Variants in BANK1 observed in about 807,000 individuals in gnomAD.
BANK1 encodes the protein B-cell scaffold protein with ankyrin repeats.
Under a neutral mutation model 94.5 loss-of-function variants are expected in BANK1, and 95 were observed. That is an observed-to-expected ratio of 1.00 (90% CI 0.85 to 1.19). BANK1 has a LOEUF of 1.19. Among genes scored for constraint, BANK1 ranks in the 50% most tolerant of loss-of-function variants. BANK1 has a pLI of 0.00. For missense variants in BANK1, 987 were observed against 932.2 expected (o/e 1.06, Z -0.77); for synonymous variants, 334 against 308.4 (o/e 1.08, Z -0.87).
At chr4:101,908,880 T>C (rs1722560081) in intron 6 of BANK1, among the ~76,000 whole-genome samples, 2 of 152,160 alleles carry the variant, frequency 1.3e-5, no homozygotes, top group Non-Finnish European at 1.5e-5. Flanking sequence ...CCAGTTAGAA[T>C]GGTGATCATT....
chr4:102,038,752 C>T (rs1727604250), intron 10 of BANK1, among the ~76,000 whole-genome samples: 1 of 152,108 alleles, frequency 6.6e-6, no homozygotes, highest in Non-Finnish European at 1.5e-5. Flanking sequence ...CGAAAGATGA[C>T]ATATGCAAAT....
intron 7 of BANK1, among the ~76,000 whole-genome samples, chr4:102,000,537 T>C (rs1726027392): frequency 6.6e-6 from 1 of 152,116 alleles, no homozygotes; most frequent in South Asian, 2.1e-4. Flanking sequence ...GAAGGTGACA[T>C]AGTTAGACAT....
At chr4:101,880,952 C>T (rs534503876) in intron 5 of BANK1, among the ~76,000 whole-genome samples, 1 of 152,142 alleles carries the variant, frequency 6.6e-6, no homozygotes, top group Admixed American at 6.6e-5. Context: ...AATCTAAGAC[C>T]TCATACTCTG....
At chr4:102,010,243 C>A (rs555774774) in intron 7 of BANK1, among the ~76,000 whole-genome samples, 1 of 151,826 alleles carries the variant, frequency 6.6e-6, no homozygotes, top group Non-Finnish European at 1.5e-5. Flanking sequence ...CCAGCCTGGG[C>A]GACAGAGTGA....
chr4:101,903,702 T>A (rs549244447), intron 6 of BANK1, among the ~76,000 whole-genome samples: 10 of 152,280 alleles, frequency 6.6e-5, no homozygotes, highest in Non-Finnish European at 1.2e-4. Flanking sequence ...ATGGCATAGG[T>A]AGGAATGCCT....
intron 5 of BANK1, among the ~76,000 whole-genome samples, chr4:101,889,939 ATTG>A (rs1178577244): frequency 6.6e-6 from 1 of 152,094 alleles, no homozygotes; most frequent in Non-Finnish European, 1.5e-5. Flanking sequence ...ACTTAGTAGC[ATTG>A]TTGTTTGGTT....
At chr4:102,024,117 A>AATAATATGGGCT (rs1727002341) in intron 8 of BANK1, among the ~76,000 whole-genome samples, 1 of 152,184 alleles carries the variant, frequency 6.6e-6, no homozygotes, top group African/African-American at 2.4e-5. Flanking sequence ...AATTCCATAT[A>AATAATATGGGCT]ATAATATGGG....
chr4:101,868,526 T>C (rs1436825783), intron 4 of BANK1, among the ~76,000 whole-genome samples: 1 of 151,634 alleles, frequency 6.6e-6, no homozygotes, highest in Non-Finnish European at 1.5e-5. Context: ...TTGTATAAGA[T>C]TTGTGATATA....
chr4:101,959,918 T>G (rs970756065), intron 7 of BANK1, among the ~76,000 whole-genome samples: 2 of 152,188 alleles, frequency 1.3e-5, no homozygotes, highest in African/African-American at 4.8e-5. Flanking sequence ...CAGTGTCATT[T>G]TTAGAAAATG....
intron 11 of BANK1, among the ~76,000 whole-genome samples, chr4:102,052,356 T>C (rs1181938172): frequency 6.6e-6 from 1 of 151,914 alleles, no homozygotes; most frequent in Non-Finnish European, 1.5e-5. Context: ...GACCTCATGA[T>C]CCACCCACCT....
intron 7 of BANK1, among the ~76,000 whole-genome samples, chr4:101,988,963 CTTATATAACATTCT>C (rs1725605224): frequency 6.6e-6 from 1 of 152,130 alleles, no homozygotes; most frequent in South Asian, 2.1e-4. Flanking sequence ...AGGTTAACAT[CTTATATAACATTCT>C]TTATATAACA....
chr4:102,043,512 A>T (rs1300692611), intron 10 of BANK1, among the ~76,000 whole-genome samples: 3 of 152,032 alleles, frequency 2.0e-5, no homozygotes, highest in Non-Finnish European at 2.9e-5. Context: ...TTTTCATATG[A>T]TTTTAACATT....
chr4:102,019,279 T>C (rs1560690165), intron 7 of BANK1, among the ~76,000 whole-genome samples: 1 of 152,226 alleles, frequency 6.6e-6, no homozygotes, highest in East Asian at 1.9e-4. Flanking sequence ...ATTTAGCAGA[T>C]AGTAGGCCTA....
intron 2 of BANK1, among the ~76,000 whole-genome samples, chr4:101,843,383 A>G (rs1226797231): frequency 2.0e-5 from 3 of 152,214 alleles, no homozygotes; most frequent in Non-Finnish European, 4.4e-5. Context: ...TCTGCTCAAA[A>G]TGCATTCAGG....
chr4:102,061,128 T>C (rs1728405729), intron 12 of BANK1, among the ~76,000 whole-genome samples: 1 of 152,224 alleles, frequency 6.6e-6, no homozygotes, highest in African/African-American at 2.4e-5. Context: ...TAAACACATT[T>C]AATAAGCAAA....
chr4:101,927,720 A>G (rs1043600260), intron 7 of BANK1, among the ~76,000 whole-genome samples: 3 of 151,544 alleles, frequency 2.0e-5, no homozygotes, highest in Non-Finnish European at 3.0e-5. Context: ...GAAGCGGAGG[A>G]TGGAATTAAT....
intron 7 of BANK1, among the ~76,000 whole-genome samples, chr4:101,924,889 T>C (rs772661592): frequency 6.6e-6 from 1 of 151,774 alleles, no homozygotes; most frequent in Non-Finnish European, 1.5e-5. Context: ...TTTTTCATAA[T>C]GTAGACATTT....
At chr4:101,985,860 T>G (rs1358846430) in intron 7 of BANK1, among the ~76,000 whole-genome samples, 1 of 152,168 alleles carries the variant, frequency 6.6e-6, no homozygotes, top group Non-Finnish European at 1.5e-5. Context: ...GTTTACTTTA[T>G]GCATTTATTG....
intron 7 of BANK1, among the ~76,000 whole-genome samples, chr4:101,967,812 G>C (rs1724814953): frequency 6.6e-6 from 1 of 152,056 alleles, no homozygotes; most frequent in African/African-American, 2.4e-5. Flanking sequence ...AAAAGAAGAA[G>C]AGTATTAGAA....
Sources: allele counts gnomAD v4.1 joint callset (sites outside exome capture counted in the v4.1 genomes callset), GRCh38; gene constraint gnomAD v4.1.1; transcripts MANE v1.5; gene names NCBI Gene and HGNC (gene_info 2026-07-23, HGNC 2026-07-21).